MTUS2: variants seen among roughly 807,000 people sequenced by gnomAD.
MTUS2 encodes microtubule-associated tumor suppressor candidate 2.
A neutral mutation model predicts 114.1 loss-of-function variants in MTUS2; 40 were observed. That is an observed-to-expected ratio of 0.35 (90% CI 0.27 to 0.46). The LOEUF is 0.46. Ranked by LOEUF, MTUS2 falls within the 20% of genes least tolerant of loss-of-function variation. The probability of loss-of-function intolerance (pLI) is 1.00; values close to 1 mark genes in which losing one functional copy is unlikely to be tolerated. For missense variants in MTUS2, 1,679 were observed against 1,705.4 expected, an observed-to-expected ratio of 0.98 and a Z score of 0.27; for synonymous variants, 688 against 672.0, an observed-to-expected ratio of 1.02 and a Z score of -0.37.
chr13:29,260,909 C>T (rs1222210782), intron 5 of MTUS2, among the ~76,000 whole-genome samples: 1 of 152,086 alleles, frequency 6.6e-6, no homozygotes, highest in Non-Finnish European at 1.5e-5. Flanking sequence ...TGCTGCTGAA[C>T]CTCTTACAAT....
intron 2 of MTUS2, among the ~76,000 whole-genome samples, chr13:28,879,538 T>A (rs73437204): frequency 0.023 from 3,445 of 152,270 alleles, 128 homozygotes; most frequent in African/African-American, 0.077. Context: ...GTGAGCTGGT[T>A]ATGTGAACGG....
At chr13:29,387,912 C>G (rs1194668271) in intron 8 of MTUS2, among the ~76,000 whole-genome samples, 1 of 152,192 alleles carries the variant, frequency 6.6e-6, no homozygotes, top group African/African-American at 2.4e-5. Context: ...CAAAGGAAGA[C>G]TAGACACTCT....
chr13:28,858,101 G>T (rs1006720429), intron 2 of MTUS2, among the ~76,000 whole-genome samples: 26 of 151,140 alleles, frequency 1.7e-4, no homozygotes, highest in Non-Finnish European at 3.2e-4. Flanking sequence ...CCTTGAGTGG[G>T]AATGTGCCTT....
intron 9 of MTUS2, among the ~76,000 whole-genome samples, chr13:29,469,283 C>G (rs1053258104): frequency 2.6e-5 from 4 of 152,208 alleles, no homozygotes; most frequent in Non-Finnish European, 5.9e-5. Context: ...CTTCTAATCT[C>G]TCTTTATCGG....
At chr13:29,031,237 GGTGT>G (rs59288953) in intron 3 of MTUS2, among the ~76,000 whole-genome samples, 23 of 122,964 alleles carry the variant, frequency 1.9e-4, no homozygotes, top group African/African-American at 2.7e-4. Flanking sequence ...AGAACTAATA[GGTGT>G]GTGTGTGTGT....
chr13:29,095,111 GCA>G (rs1185641993), intron 4 of MTUS2, among the ~76,000 whole-genome samples: 1 of 151,972 alleles, frequency 6.6e-6, no homozygotes, highest in Non-Finnish European at 1.5e-5. Context: ...TATTCTATGT[GCA>G]CTTGAGAAAA....
At chr13:29,071,954 A>T (rs1343177607) in intron 4 of MTUS2, 1 of 152,304 alleles carries the variant, frequency 6.6e-6, no homozygotes, top group Non-Finnish European at 1.5e-5. Context: ...GTGGGGGTAT[A>T]TAGTTCCTGC....
intron 8 of MTUS2, among the ~76,000 whole-genome samples, chr13:29,389,867 GTGTA>G (rs1469601596): frequency 9.8e-4 from 42 of 42,800 alleles, no homozygotes; most frequent in African/African-American, 2.4e-3. Context: ...ACATACATAT[GTGTA>G]TATATACATA....
intron 7 of MTUS2, among the ~76,000 whole-genome samples, chr13:29,354,884 G>C (rs1468003130): frequency 6.6e-6 from 1 of 152,332 alleles, no homozygotes; most frequent in East Asian, 1.9e-4. Flanking sequence ...ACTCAGCGCA[G>C]GGACTCCCTA....
At chr13:28,934,929 C>A (rs1487080826) in intron 2 of MTUS2, among the ~76,000 whole-genome samples, 1 of 151,838 alleles carries the variant, frequency 6.6e-6, no homozygotes, top group African/African-American at 2.4e-5. Context: ...TATAATATTT[C>A]CAGCACCCCA....
At chr13:29,242,652 T>G (rs1405428654) in intron 5 of MTUS2, 1 of 153,054 alleles carries the variant, frequency 6.5e-6, no homozygotes, top group Non-Finnish European at 1.5e-5. Context: ...CAGGTTGGTT[T>G]GATTTTTTTT....
intron 5 of MTUS2, among the ~76,000 whole-genome samples, chr13:29,226,134 A>G (rs1029122716): frequency 2.6e-5 from 4 of 152,184 alleles, no homozygotes; most frequent in African/African-American, 7.2e-5. Context: ...CCAGAGAAGC[A>G]GCCTCCCCCA....
chr13:29,371,825 A>G (rs1329738730), intron 8 of MTUS2, among the ~76,000 whole-genome samples: 1 of 152,142 alleles, frequency 6.6e-6, no homozygotes, highest in Non-Finnish European at 1.5e-5. Flanking sequence ...GTTCCTTGCC[A>G]TAGGTCTCAT....
At position 29,190,954 on chromosome 13, in the gene MTUS2, T is replaced by G. The variant is rs1427473120; in HGVS notation, c.2644+89984T>G. 3.3e-5 allele frequency among the ~76,000 whole-genome samples: 5 copies of G among 152,292 alleles called. 1 individual carries two copies. The South Asian group carries it at 1.0e-3, about 32-fold the overall frequency. On this transcript the variant is annotated intron_variant, in intron 5 of 15. Coordinates refer to ENST00000612955, the MANE Select transcript of MTUS2 (RefSeq NM_001033602.4). ...CCTGAGAAGATGCCATACTCTTGGCTTGCCCACATAGGCATGCTCCTTATA... is the reference window on the plus strand; with the variant it reads ...CCTGAGAAGATGCCATACTCTTGGCGTGCCCACATAGGCATGCTCCTTATA...
intron 8 of MTUS2, among the ~76,000 whole-genome samples, chr13:29,402,970 C>T (rs1874462406): frequency 6.6e-6 from 1 of 152,124 alleles, no homozygotes; most frequent in African/African-American, 2.4e-5. Flanking sequence ...CTCCTGACCT[C>T]GTGATCTGCC....
rs1028516601 is a variant in MTUS2, at chr13:29,241,612, A to G, written c.2645-40092A>G. Among the ~76,000 whole-genome samples, 14 of 152,182 alleles carry G rather than the reference A, an allele frequency of 9.2e-5. 1 individual carries two copies. Among genetic ancestry groups the G allele is most frequent in the Admixed American group, 9.2e-4 (14 of 15,272 alleles). On this transcript the variant is annotated intron_variant, in intron 5 of 15. Transcript: ENST00000612955. ...CCAGTACAGATTTCTCAAAAATCAC[A>G]TGCTACATTTGATTGCATTTGTTCT...
At chr13:28,883,738 TG>T (rs985946130) in intron 2 of MTUS2, among the ~76,000 whole-genome samples, 4 of 152,172 alleles carry the variant, frequency 2.6e-5, no homozygotes, top group Non-Finnish European at 5.9e-5. Context: ...CATGGTTACA[TG>T]ATTCTAACTA....
intron 5 of MTUS2, among the ~76,000 whole-genome samples, chr13:29,105,621 TA>T (rs67540838): frequency 0.67 from 99,093 of 147,190 alleles, 33,958 homozygotes; most frequent in Non-Finnish European, 0.74. Context: ...AAAAAACAAG[TA>T]AAAAAAAAAT....
chr13:28,944,573 T>G (rs952216667), intron 2 of MTUS2, among the ~76,000 whole-genome samples: 2 of 152,224 alleles, frequency 1.3e-5, no homozygotes, highest in African/African-American at 4.8e-5. Context: ...TTAGTTGTAT[T>G]CTATTGCTCT....
Sources: gnomAD v4.1 joint callset for allele counts (sites outside exome capture counted in the v4.1 genomes callset) on GRCh38, gnomAD v4.1.1 for gene constraint, MANE v1.5 for transcripts, NCBI Gene and HGNC (gene_info 2026-07-23, HGNC 2026-07-21) for gene names.